UBN1: variants seen among roughly 807,000 people sequenced by gnomAD.
UBN1 encodes the protein ubinuclein 1.
Under a neutral mutation model 108.5 loss-of-function variants are expected in UBN1, and 17 were observed. The ratio of observed to expected loss-of-function variants is 0.16; its 90% CI spans 0.11 to 0.24. The LOEUF (loss-of-function observed/expected upper bound fraction) is 0.24. Among genes scored for constraint, UBN1 ranks in the 10% least tolerant of loss-of-function variants. The pLI is 1.00. For missense variants in UBN1, 1,595 were observed against 1,394.4 expected (o/e 1.14, Z -2.29); for synonymous variants, 726 against 564.2 (o/e 1.29, Z -4.07).
intron 4 of UBN1, 96 bp from the exon 5 acceptor site, chr16:4,858,929 G>A: frequency 6.8e-7 from 1 of 1,471,096 alleles, no homozygotes; most frequent in Non-Finnish European, 9.2e-7. Context: ...CTTGGAAGTG[G>A]CAGAGGAGCA....
chr16:4,871,426 C>A, intron 12 of UBN1, 125 bp downstream of exon 12: 2 of 1,338,352 alleles, frequency 1.5e-6, no homozygotes, highest in Non-Finnish European at 2.0e-6. Flanking sequence ...ACTCTGATCT[C>A]ACCTGAGTAA....
chr16:4,868,701 AG>A (rs1347205508), intron 7 of UBN1, 131 bp from the exon 8 acceptor site: 8 of 745,094 alleles, frequency 1.1e-5, no homozygotes, highest in Non-Finnish European at 1.8e-5. Context: ...ACTAGGGTGG[AG>A]TTGGAAAGGT....
chr16:4,870,177 G>C (rs377420829), intron 8 of UBN1, 35 bp from the exon 9 acceptor site: 11 of 1,613,252 alleles, frequency 6.8e-6, no homozygotes, highest in Non-Finnish European at 7.6e-6. Context: ...GTTGCAGTGA[G>C]CTGCAGCCGG....
In UBN1 at chr16:4,847,546, C is replaced by A. The variant is rs1005195206; in HGVS notation, c.-704C>A. On this transcript the variant is annotated 5_prime_UTR_variant, in exon 1 of 18. Coordinates refer to ENST00000262376, the MANE Select transcript of UBN1 (RefSeq NM_001079514.3). ...CCGCGGTCTGAGGCGGCGGCGGCGG[C>A]GACGGTGCGACCGGCTGAGCGCGAG... 2.3e-6 allele frequency: 1 copy of A among 443,876 alleles called. No individual in the cohort carries two copies. The highest frequency in any genetic ancestry group is 4.0e-6 in the Non-Finnish European group (1 of 250,562). The allele number at this position is 443,876 out of a possible 1,614,324, so 27.5% of individuals were successfully genotyped here. A position where few individuals can be genotyped will look rare whatever the true frequency, so the allele number is the denominator to read the frequency against.
chr16:4,853,983 TA>T (rs2086676389), intron 2 of UBN1, among the ~76,000 whole-genome samples: 1 of 152,150 alleles, frequency 6.6e-6, no homozygotes. Flanking sequence ...CCTCAATACT[TA>T]TGGGCAACCA....
At position 4,880,685 on chromosome 16, in the gene UBN1, A is replaced by G. The variant is rs1596536231; in HGVS notation, c.*553A>G. 1.3e-5 allele frequency: 2 copies of G among 153,166 alleles called. No homozygotes were observed. The highest frequency in any genetic ancestry group is 3.8e-4 in the East Asian group (2 of 5,196). 9.5% of individuals were successfully genotyped at this position (153,166 alleles called of 1,614,324 possible). A position where few individuals can be genotyped will look rare whatever the true frequency, so the allele number is the denominator to read the frequency against. Reference sequence around the variant, plus strand: ...TACTAAGAACACCTAGGGTGTGCTCACTGTGGGGGCCAGTTTCTCCTCGGA... The same window carrying G: ...TACTAAGAACACCTAGGGTGTGCTCGCTGTGGGGGCCAGTTTCTCCTCGGA... On this transcript the variant is annotated 3_prime_UTR_variant, in exon 18 of 18. Coordinates refer to ENST00000262376, the MANE Select transcript of UBN1 (RefSeq NM_001079514.3).
chr16:4,857,666 CA>C lies in UBN1; in HGVS notation c.250-321del, dbSNP rs1267064181. Among the ~76,000 whole-genome samples the C allele has an allele frequency of 2.0e-5, 3 of 152,256 alleles. No homozygotes were observed. In the East Asian group the frequency reaches 5.8e-4, roughly 29 times the overall value. On this transcript the variant is annotated intron_variant, in intron 2 of 17. Coordinates refer to ENST00000262376, the MANE Select transcript of UBN1 (RefSeq NM_001079514.3). ...TGCCTGAAGAAAATTTTAAGAGTTA[CA>C]AAGGAAGTCCACTTTATTGAACGTG...
chr16:4,856,289 A>T (rs536356810), intron 2 of UBN1, among the ~76,000 whole-genome samples: 85 of 152,334 alleles, frequency 5.6e-4, no homozygotes, highest in Non-Finnish European at 7.6e-4. Flanking sequence ...TTTTGATCCA[A>T]TTCAGAGGAT....
At chr16:4,864,333 G>A (rs2087219411) in intron 7 of UBN1, among the ~76,000 whole-genome samples, 1 of 152,042 alleles carries the variant, frequency 6.6e-6, no homozygotes, top group African/African-American at 2.4e-5. Context: ...AAAAAACTCT[G>A]GGAAGCAAAA....
At chr16:4,870,437 C>T (rs2142241899) in intron 9 of UBN1, 79 bp from the exon 10 acceptor site, 10 of 1,610,238 alleles carry the variant, frequency 6.2e-6, no homozygotes, top group Admixed American at 3.3e-5. Context: ...CCACTGCCTC[C>T]TTGTGATCAC....
Position 4,858,845 on chromosome 16 carries a change from G to A in UBN1, c.433-180G>A, listed in dbSNP as rs758536155. 4.5e-5 allele frequency: 44 copies of A among 975,062 alleles called. No individual in the cohort carries two copies. The East Asian group carries it at 1.0e-3, about 22-fold the overall frequency. The allele number at this position is 975,062 out of a possible 1,614,324, so 60.4% of individuals were successfully genotyped here. Reference sequence around the variant, plus strand: ...CGGGTCTTAGTTCCCTCTTCAGAAAGTGATGACCAGATCTGTCCAAAACAC... The same window carrying A: ...CGGGTCTTAGTTCCCTCTTCAGAAAATGATGACCAGATCTGTCCAAAACAC... On this transcript the variant is annotated intron_variant, in intron 4 of 17. Coordinates refer to ENST00000262376, the MANE Select transcript of UBN1 (RefSeq NM_001079514.3).
Position 4,853,172 on chromosome 16 carries a change from C to G in UBN1, c.249+6C>G. 6.2e-7 allele frequency: 1 copy of G among 1,613,768 alleles called. No homozygotes were observed. The highest frequency in any genetic ancestry group is 1.3e-5 in the African/African-American group (1 of 75,020). On this transcript the variant is annotated splice_donor_region_variant and intron_variant, in intron 2 of 17. Coordinates refer to ENST00000262376, the MANE Select transcript of UBN1 (RefSeq NM_001079514.3). ...GCCTTCAGCCTGGAGATAAGGTACA[C>G]CCCTTTGTTCCCAGAGGCGCTGCAG...
At chr16:4,872,035 C>T (rs1382423282) in intron 12 of UBN1, among the ~76,000 whole-genome samples, 1 of 152,226 alleles carries the variant, frequency 6.6e-6, no homozygotes, top group Non-Finnish European at 1.5e-5. Flanking sequence ...ATCTCAGAGG[C>T]TACCTTGTAC....
rs1186174600 is a variant in UBN1 at position 4,877,410 on chromosome 16, C to T, written c.3291C>T (p.Ser1097=). The T allele has an allele frequency of 6.2e-7, 1 of 1,612,518 alleles. No individual in the cohort carries two copies. The highest frequency in any genetic ancestry group is 8.5e-7 in the Non-Finnish European group (1 of 1,179,488). ...GTCTTCTGGCTGGCTTGCACTCCAG[C>T]CCGCCCCATGCAGCGCCTCTCCCAC... is the stretch of plus-strand genomic sequence containing the variant. ...GHSLLAGLHS[S]PPHAAPLPHA... is the part of the protein sequence containing the mutation. Residue 1097 remains serine, a synonymous_variant, in exon 17 of 18, where the codon AGC becomes AGT. Coordinates refer to ENST00000262376, the MANE Select transcript of UBN1 (RefSeq NM_001079514.3). This position sits in a 1 kb window ranked among gnomAD's most constrained non-coding sequence, Gnocchi z 4.3.
intron 7 of UBN1, among the ~76,000 whole-genome samples, chr16:4,862,617 T>A (rs926805493): frequency 6.6e-6 from 1 of 152,248 alleles, no homozygotes; most frequent in African/African-American, 2.4e-5. Flanking sequence ...TTAAATCATT[T>A]AAGGTCTATG....
In UBN1 at chr16:4,865,188, T is replaced by A. The variant is rs541972999; in HGVS notation, c.1111-3645T>A. Among the ~76,000 whole-genome samples the A allele has an allele frequency of 2.0e-5, 3 of 152,342 alleles. No individual in the cohort carries two copies. The East Asian group carries it at 5.8e-4, about 29-fold the overall frequency. On this transcript the variant is annotated intron_variant, in intron 7 of 17. Transcript: ENST00000262376. ...GACTATCAGATATATATCCAATTGC[T>A]CTTTTAATTAGATTTACTTTAAAAT...
At chr16:4,854,707 A>G (rs909066851) in intron 2 of UBN1, among the ~76,000 whole-genome samples, 5 of 148,462 alleles carry the variant, frequency 3.4e-5, no homozygotes, top group African/African-American at 1.3e-4. Flanking sequence ...ATGGTATTTG[A>G]GTACCGCCTA....
chr16:4,875,448 A>G lies in UBN1; in HGVS notation c.3024+14A>G, dbSNP rs2087833746. On this transcript the variant is annotated intron_variant, in intron 15 of 17. Coordinates refer to ENST00000262376, the MANE Select transcript of UBN1 (RefSeq NM_001079514.3). Reference sequence around the variant, plus strand: ...ACCTCCTTGTCAGTGAGTATCTGTCATAGCAGCCTGCCCTGCCCCACTCAC... The same window carrying G: ...ACCTCCTTGTCAGTGAGTATCTGTCGTAGCAGCCTGCCCTGCCCCACTCAC... The G allele has an allele frequency of 6.3e-7, 1 of 1,597,430 alleles. No homozygotes were observed. The highest frequency in any genetic ancestry group is 1.7e-5 in the Admixed American group (1 of 59,402).
At chr16:4,870,998 C>G (rs1353493256) in intron 11 of UBN1, 26 bp downstream of exon 11, 2 of 1,612,990 alleles carry the variant, frequency 1.2e-6, no homozygotes, top group African/African-American at 2.7e-5. Flanking sequence ...GACTTGGCCT[C>G]TTTGGAGGGT....
Sources: allele counts gnomAD v4.1 joint callset (sites outside exome capture counted in the v4.1 genomes callset), GRCh38; gene constraint gnomAD v4.1.1; non-coding constraint Gnocchi (gnomAD v3.1); transcripts MANE v1.5; gene names NCBI Gene and HGNC (gene_info 2026-07-23, HGNC 2026-07-21).